ARSK: variants seen among roughly 807,000 people sequenced by gnomAD.
ARSK encodes the protein arylsulfatase family member K.
Under a neutral mutation model 53.2 loss-of-function variants are expected in ARSK, and 37 were observed. The ratio of observed to expected loss-of-function variants is 0.70; its 90% CI spans 0.54 to 0.92. The LOEUF is 0.92. ARSK is among the 40% of genes least tolerant of loss of function. ARSK has a pLI of 0.00. For synonymous variants in ARSK, 208 were observed against 223.2 expected (o/e 0.93, Z 0.61); for missense variants, 613 against 643.0 (o/e 0.95, Z 0.51).
At chr5:95,586,811 G>A in intron 5 of ARSK, 78 bp downstream of exon 5, 1 of 1,271,424 alleles carries the variant, frequency 7.9e-7, no homozygotes, top group South Asian at 1.7e-5. Context: ...CATGCTGCTT[G>A]GTGACTTTCT....
chr5:95,599,399 T>A (rs1357214039), intron 6 of ARSK, among the ~76,000 whole-genome samples: 2 of 152,076 alleles, frequency 1.3e-5, no homozygotes, highest in Non-Finnish European at 2.9e-5. Flanking sequence ...AAAGACTACT[T>A]CTCTCTCTTC....
intron 4 of ARSK, 27 bp downstream of exon 4, chr5:95,583,225 A>G (rs748370546): frequency 6.8e-7 from 1 of 1,468,634 alleles, no homozygotes; most frequent in Non-Finnish European, 9.1e-7. Flanking sequence ...TGTGTGCTCA[A>G]AAGTAGATTT....
At chr5:95,578,307 A>G (rs1748961582) in intron 3 of ARSK, among the ~76,000 whole-genome samples, 1 of 151,364 alleles carries the variant, frequency 6.6e-6, no homozygotes, top group Non-Finnish European at 1.5e-5. Context: ...ACATACCGCC[A>G]TGCCCAGTGA....
intron 3 of ARSK, chr5:95,580,960 C>T (rs1185419015): frequency 1.5e-5 from 19 of 1,273,494 alleles, no homozygotes; most frequent in African/African-American, 3.1e-5. Flanking sequence ...TACCTTTTGC[C>T]TTTAACCATA....
At chr5:95,594,200 G>T (rs1749264039) in intron 6 of ARSK, among the ~76,000 whole-genome samples, 1 of 152,104 alleles carries the variant, frequency 6.6e-6, no homozygotes. Flanking sequence ...CTATTAACCA[G>T]ATGTTAACCA....
intron 4 of ARSK, among the ~76,000 whole-genome samples, chr5:95,583,971 T>C (rs1339698224): frequency 6.6e-6 from 1 of 152,258 alleles, no homozygotes; most frequent in Non-Finnish European, 1.5e-5. Context: ...TTTATGCTCG[T>C]AAATGTGCCT....
chr5:95,574,039 C>A (rs1049167773), intron 3 of ARSK, among the ~76,000 whole-genome samples: 3 of 152,020 alleles, frequency 2.0e-5, no homozygotes, highest in Non-Finnish European at 2.9e-5. Context: ...TTTGGTAAAC[C>A]ATCATTCTGC....
chr5:95,561,387 C>T (rs968814355), intron 1 of ARSK, among the ~76,000 whole-genome samples: 6 of 152,150 alleles, frequency 3.9e-5, no homozygotes, highest in Non-Finnish European at 7.3e-5. Flanking sequence ...GCTGTATAAT[C>T]CAGCAGTTTT....
In ARSK at chr5:95,600,899, G is replaced by A. The variant is rs763529852; in HGVS notation, c.1149G>A (p.Pro383=). 16 of 1,613,928 alleles carry A rather than the reference G, an allele frequency of 9.9e-6. No individual in the cohort carries two copies. The highest frequency in any genetic ancestry group is 4.0e-5 in the African/African-American group (3 of 74,914). The change falls in exon 7 of 8, where the codon CCG becomes CCA. Residue 383 remains proline, a synonymous_variant. Transcript: ENST00000380009. ...ACCTGAGTGGATACTCTTTGTTGCC[G>A]TTATCATCAGAAACATTTAAGAATG... is the stretch of plus-strand genomic sequence containing the variant. The part of the protein sequence containing the change: ...PQNLSGYSLL[P]LSSETFKNEH...
intron 1 of ARSK, chr5:95,556,528 C>A: frequency 2.8e-6 from 1 of 355,730 alleles, no homozygotes; most frequent in South Asian, 4.8e-5. Flanking sequence ...GTGGGCTGCT[C>A]CTAGAATGGG....
chr5:95,562,870 T>C (rs949939724), intron 1 of ARSK, among the ~76,000 whole-genome samples: 2 of 152,250 alleles, frequency 1.3e-5, no homozygotes, highest in African/African-American at 2.4e-5. Context: ...ATAGAAGTTA[T>C]AACAAAAGCC....
chr5:95,596,938 T>TACA (rs1416403497), intron 6 of ARSK, among the ~76,000 whole-genome samples: 21 of 152,188 alleles, frequency 1.4e-4, no homozygotes, highest in African/African-American at 5.1e-4. Context: ...ATAAACTAAT[T>TACA]CTATCACTAG....
Position 95,604,874 on chromosome 5 carries a change from T to C in ARSK, c.*1348T>C, listed in dbSNP as rs1749473999. On this transcript the variant is annotated 3_prime_UTR_variant, in exon 8 of 8. Transcript: ENST00000380009. ...TTGTATTACAGGTGTGCTTTAGATA[T>C]TAGCTTTTTGTAAGAGATCCTGCAA... 6.6e-6 allele frequency: 1 copy of C among 152,238 alleles called. No homozygotes were observed. The allele number at this position is 152,238 out of a possible 1,614,324, so 9.4% of individuals were successfully genotyped here. A position where few individuals can be genotyped will look rare whatever the true frequency, so the allele number is the denominator to read the frequency against.
chr5:95,587,755 A>C (rs1338779221), intron 5 of ARSK, among the ~76,000 whole-genome samples: 1 of 152,102 alleles, frequency 6.6e-6, no homozygotes, highest in Non-Finnish European at 1.5e-5. Context: ...AAAATACAAA[A>C]TTTAGCCGGG....
chr5:95,555,797 A>G lies in ARSK; in HGVS notation c.126+393A>G, dbSNP rs1254834248. Among the ~76,000 whole-genome samples the G allele has an allele frequency of 6.6e-6, 1 of 152,226 alleles. No individual in the cohort carries two copies. The highest frequency in any genetic ancestry group is 1.5e-5 in the Non-Finnish European group (1 of 68,034). Reference sequence around the variant, plus strand: ...AAAAGTCATTTTCCAGTTCACCTCAAGTTTGCAGGAATTCATGTTTGGGTG... The same window carrying G: ...AAAAGTCATTTTCCAGTTCACCTCAGGTTTGCAGGAATTCATGTTTGGGTG... On this transcript the variant is annotated intron_variant, in intron 1 of 7. Transcript: ENST00000380009. This position sits in a 1 kb window ranked among gnomAD's most constrained non-coding sequence, Gnocchi z 4.0.
chr5:95,568,118 A>C, intron 3 of ARSK, 69 bp downstream of exon 3: 2 of 1,440,234 alleles, frequency 1.4e-6, no homozygotes, highest in Non-Finnish European at 1.9e-6. Flanking sequence ...ACTCTTTTTG[A>C]CTTTAATTTT....
At chr5:95,574,940 T>C (rs1748899675) in intron 3 of ARSK, among the ~76,000 whole-genome samples, 1 of 152,320 alleles carries the variant, frequency 6.6e-6, no homozygotes, top group Non-Finnish European at 1.5e-5. Flanking sequence ...CCTAGAGAGT[T>C]TCCCCAATGC....
intron 1 of ARSK, chr5:95,556,113 C>G (rs1748499343): frequency 3.0e-6 from 2 of 662,928 alleles, no homozygotes; most frequent in African/African-American, 3.6e-5. Context: ...AGTTTATTAT[C>G]ACTCGGTGTT....
intron 3 of ARSK, 107 bp downstream of exon 3, chr5:95,568,156 A>G: frequency 8.3e-7 from 1 of 1,203,468 alleles, no homozygotes. Flanking sequence ...GTGAAAGTAA[A>G]TCTCTTAATC....
Sources: allele counts gnomAD v4.1 joint callset (sites outside exome capture counted in the v4.1 genomes callset), GRCh38; gene constraint gnomAD v4.1.1; non-coding constraint Gnocchi (gnomAD v3.1); transcripts MANE v1.5; gene names NCBI Gene and HGNC (gene_info 2026-07-23, HGNC 2026-07-21).